The following MCU variants were observed in gnomAD, a reference collection of about 807,000 sequenced individuals.
MCU encodes calcium uniporter protein, mitochondrial.
A neutral mutation model predicts 45.2 loss-of-function variants in MCU; 12 were observed. The ratio of observed to expected loss-of-function variants is 0.27; its 90% confidence interval spans 0.17 to 0.43. The LOEUF (loss-of-function observed/expected upper bound fraction) is 0.43, where lower values mean the gene tolerates loss of function less well. MCU is among the 20% of genes least tolerant of loss of function. The probability of loss-of-function intolerance (pLI) is 1.00; values close to 1 mark genes in which losing one functional copy is unlikely to be tolerated. For missense variants in MCU, 324 were observed against 436.7 expected, an observed-to-expected ratio of 0.74 and a Z score of 2.30; for synonymous variants, 160 against 165.1, an observed-to-expected ratio of 0.97 and a Z score of 0.24.
intron 1 of MCU, among the ~76,000 whole-genome samples, chr10:72,822,715 C>T (rs1033101585): frequency 1.1e-4 from 16 of 152,122 alleles, no homozygotes; most frequent in Non-Finnish European, 1.5e-4. Flanking sequence ...TGGCTGCCAC[C>T]TGTAATCCCA....
chr10:72,829,767 G>C (rs1018479526), intron 1 of MCU, among the ~76,000 whole-genome samples: 1 of 152,134 alleles, frequency 6.6e-6, no homozygotes, highest in Admixed American at 6.5e-5. Flanking sequence ...CTTTGATCTT[G>C]AGCTCTTACA....
At chr10:72,772,639 A>G (rs555373216) in intron 1 of MCU, among the ~76,000 whole-genome samples, 3 of 152,296 alleles carry the variant, frequency 2.0e-5, no homozygotes, top group African/African-American at 4.8e-5. Context: ...AGAGGTTGCA[A>G]TGAGCTGAGA....
intron 1 of MCU, among the ~76,000 whole-genome samples, chr10:72,805,111 C>CTTTCT (rs1290394860): frequency 1.7e-5 from 2 of 120,922 alleles, no homozygotes; most frequent in African/African-American, 8.1e-5. Context: ...CTCTTTCTTT[C>CTTTCT]TTTCTTTCTT....
intron 1 of MCU, among the ~76,000 whole-genome samples, chr10:72,801,912 A>G (rs530597794): frequency 6.6e-6 from 1 of 152,074 alleles, no homozygotes; most frequent in Admixed American, 6.5e-5. Context: ...AGCTCAAGCA[A>G]TCCACCCACC....
chr10:72,698,799 T>C (rs1166779129), intron 1 of MCU, among the ~76,000 whole-genome samples: 1 of 151,980 alleles, frequency 6.6e-6, no homozygotes, highest in Non-Finnish European at 1.5e-5. Context: ...GCCACCATGC[T>C]CAGCCCTTTA....
At chr10:72,705,865 C>T (rs1842813180) in intron 1 of MCU, among the ~76,000 whole-genome samples, 1 of 151,888 alleles carries the variant, frequency 6.6e-6, no homozygotes, top group Non-Finnish European at 1.5e-5. Flanking sequence ...CCTGTAATTC[C>T]AGCTACTTGG....
chr10:72,852,928 A>G (rs774516643), intron 2 of MCU, among the ~76,000 whole-genome samples: 8 of 152,230 alleles, frequency 5.3e-5, no homozygotes, highest in Non-Finnish European at 1.2e-4. Context: ...GGACACATGA[A>G]CATTTGGTAG....
chr10:72,834,805 G>A (rs1844932365), intron 2 of MCU, among the ~76,000 whole-genome samples: 2 of 152,074 alleles, frequency 1.3e-5, no homozygotes, highest in Admixed American at 6.6e-5. Context: ...GGGACCAGGC[G>A]AGCACCACCA....
At chr10:72,762,854 A>G (rs891685719) in intron 1 of MCU, among the ~76,000 whole-genome samples, 8 of 152,106 alleles carry the variant, frequency 5.3e-5, no homozygotes, top group Admixed American at 4.6e-4. Context: ...TAAAATAACA[A>G]ATTTATTATC....
intron 1 of MCU, chr10:72,692,985 C>T (rs1842643517): frequency 1.3e-6 from 2 of 1,535,916 alleles, no homozygotes; most frequent in Non-Finnish European, 1.7e-6. Flanking sequence ...TTTGGGGGTC[C>T]TTTCGAGGGC....
In MCU at chr10:72,880,487, GGA is replaced by G. The variant is rs1491109738; in HGVS notation, c.862-3778_862-3777del. 3.5e-3 allele frequency among the ~76,000 whole-genome samples: 526 copies of G among 151,528 alleles called. 1 individual carries two copies. Among genetic ancestry groups the G allele is most frequent in the African/African-American group, 0.012 (482 of 41,268 alleles). The stretch of plus-strand genomic sequence containing the variant: ...CACGTAGAAGGCAAAGCGGGGGGGG[GGA>G]AACCCTAGAAATATATGTATAAAAA... On this transcript the variant is annotated intron_variant, in intron 6 of 7. Coordinates refer to ENST00000373053, the MANE Select transcript of MCU (RefSeq NM_138357.3).
chr10:72,781,463 G>C (rs1843993147), intron 1 of MCU, among the ~76,000 whole-genome samples: 2 of 152,202 alleles, frequency 1.3e-5, no homozygotes, highest in Non-Finnish European at 2.9e-5. Context: ...GTTATAGGTG[G>C]TAAAGATTCC....
At chr10:72,805,155 CTTTCTG>C (rs1446603148) in intron 1 of MCU, among the ~76,000 whole-genome samples, 1 of 138,756 alleles carries the variant, frequency 7.2e-6, no homozygotes, top group African/African-American at 3.0e-5. Context: ...TTCTTTCTTT[CTTTCTG>C]TCTCTCTCTC....
chr10:72,792,894 A>G (rs1312376200), intron 1 of MCU, among the ~76,000 whole-genome samples: 6 of 150,418 alleles, frequency 4.0e-5, no homozygotes, highest in Non-Finnish European at 7.4e-5. Context: ...TTTTTTTTAA[A>G]TTGAGATGGA....
In MCU at chr10:72,765,835, A is replaced by G. The variant is rs966777027; in HGVS notation, c.151-68524A>G. 7.3e-5 allele frequency among the ~76,000 whole-genome samples: 11 copies of G among 151,494 alleles called. 1 individual carries two copies. In the South Asian group the frequency reaches 2.3e-3, roughly 32 times the overall value. ...AAAGAAACTCGACAGAATAAAAACA[A>G]TTCAGATGACTATTTTCTTTTATTT... On this transcript the variant is annotated intron_variant, in intron 1 of 7. Coordinates refer to ENST00000373053, the MANE Select transcript of MCU (RefSeq NM_138357.3).
intron 6 of MCU, among the ~76,000 whole-genome samples, chr10:72,874,292 T>C (rs563921016): frequency 3.9e-5 from 6 of 152,186 alleles, no homozygotes; most frequent in African/African-American, 1.2e-4. Context: ...GGAATTCCAG[T>C]GTCACTTTAG....
intron 2 of MCU, among the ~76,000 whole-genome samples, chr10:72,838,323 A>G (rs951396256): frequency 2.6e-5 from 4 of 151,996 alleles, no homozygotes; most frequent in African/African-American, 9.7e-5. Flanking sequence ...TTGTATTAAG[A>G]ATTGCTAGGG....
intron 1 of MCU, chr10:72,756,516 C>T (rs1358404396): frequency 1.3e-5 from 2 of 152,114 alleles, no homozygotes; most frequent in African/African-American, 2.4e-5. Context: ...GCATAATTCA[C>T]TGGGTGAATG....
intron 1 of MCU, chr10:72,757,060 A>G (rs1046735165): frequency 6.6e-6 from 1 of 152,136 alleles, no homozygotes; most frequent in Non-Finnish European, 1.5e-5. Flanking sequence ...ACATAAGTGT[A>G]TGAAAAAGCT....
Sources: allele counts gnomAD v4.1 joint callset (sites outside exome capture counted in the v4.1 genomes callset), GRCh38; gene constraint gnomAD v4.1.1; transcripts MANE v1.5; gene names NCBI Gene and HGNC (gene_info 2026-07-23, HGNC 2026-07-21).